Variants in RERE observed in about 807,000 individuals in gnomAD.
The protein encoded by RERE is arginine-glutamic acid dipeptide repeats protein.
A neutral mutation model predicts 146.1 loss-of-function variants in RERE; 40 were observed. The ratio of observed to expected loss-of-function variants is 0.27; its 90% CI spans 0.21 to 0.36. RERE has a LOEUF of 0.36. Among genes scored for constraint, RERE ranks in the 10% least tolerant of loss-of-function variants. The probability of loss-of-function intolerance (pLI) is 1.00; values close to 1 mark genes in which losing one functional copy is unlikely to be tolerated. For synonymous variants in RERE, 1,003 were observed against 866.0 expected, an observed-to-expected ratio of 1.16 and a Z score of -2.78; for missense variants, 1,933 against 2,138.7, an observed-to-expected ratio of 0.90 and a Z score of 1.90.
chr1:8,797,282 A>G (rs1641494400), intron 1 of RERE, among the ~76,000 whole-genome samples: 1 of 152,120 alleles, frequency 6.6e-6, no homozygotes, highest in East Asian at 1.9e-4. Flanking sequence ...TAACTGTGTG[A>G]CAGAAGAATT....
chr1:8,702,247 T>G (rs1405423170), intron 1 of RERE, among the ~76,000 whole-genome samples: 1 of 152,276 alleles, frequency 6.6e-6, no homozygotes, highest in East Asian at 1.9e-4. Context: ...TTTTTTAGAT[T>G]TTCCGTGTGG....
At chr1:8,445,747 G>A (rs906210733) in intron 11 of RERE, among the ~76,000 whole-genome samples, 8 of 151,608 alleles carry the variant, frequency 5.3e-5, no homozygotes, top group Non-Finnish European at 1.0e-4. Flanking sequence ...TAGTTTACAC[G>A]TACCATGGTG....
At chr1:8,430,895 C>G (rs982154198) in intron 11 of RERE, among the ~76,000 whole-genome samples, 1 of 152,200 alleles carries the variant, frequency 6.6e-6, no homozygotes, top group Admixed American at 6.5e-5. Context: ...GTTCTAACAA[C>G]AAAAGCCATG....
intron 2 of RERE, among the ~76,000 whole-genome samples, chr1:8,628,221 A>T (rs904477930): frequency 3.3e-5 from 5 of 152,184 alleles, no homozygotes; most frequent in Non-Finnish European, 7.3e-5. Context: ...CATATATGAA[A>T]AAGTTAGAGA....
At position 8,355,027 on chromosome 1, in the gene RERE, A is replaced by C; in HGVS notation, c.*60T>G. 1 of 1,404,014 alleles carries C rather than the reference A, an allele frequency of 7.1e-7. No individual in the cohort carries two copies. Among genetic ancestry groups the C allele is most frequent in the Non-Finnish European group, 1.0e-6 (1 of 1,000,838 alleles). 87.0% of individuals were successfully genotyped at this position (1,404,014 alleles called of 1,614,324 possible). A position where few individuals can be genotyped will look rare whatever the true frequency, so the allele number is the denominator to read the frequency against. ...TTTGCAGCTCCTATTTTATGTAAAA[A>C]GTCCTGTTTCTCCCCCCAAGAACTG... On this transcript the variant is annotated 3_prime_UTR_variant, in exon 23 of 23. Transcript: ENST00000400908.
intron 4 of RERE, among the ~76,000 whole-genome samples, chr1:8,567,825 T>C (rs574665063): frequency 2.6e-5 from 4 of 152,016 alleles, no homozygotes; most frequent in Non-Finnish European, 5.9e-5. Context: ...GTCCTTAATA[T>C]CACACACACA....
intron 1 of RERE, among the ~76,000 whole-genome samples, chr1:8,757,128 T>G (rs1640659194): frequency 6.6e-6 from 1 of 150,842 alleles, no homozygotes; most frequent in Admixed American, 6.6e-5. Flanking sequence ...CAGTTACTGC[T>G]TCTGATGGCA....
chr1:8,509,743 ATGTTCG>A (rs1022254861), intron 7 of RERE, among the ~76,000 whole-genome samples: 1 of 152,172 alleles, frequency 6.6e-6, no homozygotes, highest in African/African-American at 2.4e-5. Context: ...GCAGTGAGCC[ATGTTCG>A]CACCACTGCA....
At chr1:8,443,742 G>GACT (rs1416293078) in intron 11 of RERE, among the ~76,000 whole-genome samples, 1 of 152,172 alleles carries the variant, frequency 6.6e-6, no homozygotes, top group East Asian at 1.9e-4. Context: ...ATGCCCCTGT[G>GACT]ACTACATCCT....
intron 2 of RERE, among the ~76,000 whole-genome samples, chr1:8,626,045 C>G (rs535144183): frequency 6.6e-6 from 1 of 152,174 alleles, no homozygotes; most frequent in Non-Finnish European, 1.5e-5. Context: ...GTTCCAAGGT[C>G]CCAGATGCTA....
At chr1:8,489,136 G>C (rs1340839457) in intron 10 of RERE, among the ~76,000 whole-genome samples, 1 of 152,012 alleles carries the variant, frequency 6.6e-6, no homozygotes, top group Non-Finnish European at 1.5e-5. Flanking sequence ...TTGAGGCCAG[G>C]CATTCTAGAC....
At chr1:8,452,161 C>T (rs1378280100) in intron 11 of RERE, among the ~76,000 whole-genome samples, 11 of 152,166 alleles carry the variant, frequency 7.2e-5, no homozygotes, top group Admixed American at 7.2e-4. Flanking sequence ...CTCAAATAAG[C>T]CTCCTCTACA....
At chr1:8,554,262 C>T (rs114898999) in intron 6 of RERE, among the ~76,000 whole-genome samples, 1,692 of 152,284 alleles carry the variant, frequency 0.011, 11 homozygotes, top group Non-Finnish European at 0.016. Context: ...TATGTCAAAA[C>T]ATGTTGAATA....
chr1:8,625,984 A>T (rs570985741), intron 2 of RERE, among the ~76,000 whole-genome samples: 12 of 151,506 alleles, frequency 7.9e-5, no homozygotes, highest in Middle Eastern at 3.4e-3. Context: ...CCCTGAATCC[A>T]CGTAAAACAG....
chr1:8,634,294 C>T (rs566506295), intron 2 of RERE, among the ~76,000 whole-genome samples: 2 of 152,314 alleles, frequency 1.3e-5, no homozygotes, highest in South Asian at 2.1e-4. Context: ...CTATTACTAA[C>T]GTATCACTTC....
intron 1 of RERE, among the ~76,000 whole-genome samples, chr1:8,756,691 C>G (rs1395169283): frequency 2.0e-5 from 3 of 152,150 alleles, no homozygotes; most frequent in Non-Finnish European, 2.9e-5. Flanking sequence ...CTTTGAAGAT[C>G]AGGATCACTT....
At chr1:8,774,972 T>C (rs1220752006) in intron 1 of RERE, among the ~76,000 whole-genome samples, 1 of 141,886 alleles carries the variant, frequency 7.0e-6, no homozygotes, top group African/African-American at 2.7e-5. Context: ...TTTTTTTTTT[T>C]TTTTTTTTTG....
chr1:8,483,574 C>G (rs537846755), intron 10 of RERE, among the ~76,000 whole-genome samples: 1 of 152,196 alleles, frequency 6.6e-6, no homozygotes, highest in Non-Finnish European at 1.5e-5. Context: ...TCTGGATGAT[C>G]AAGTGTGATA....
chr1:8,766,821 A>G (rs1046352398), intron 1 of RERE, among the ~76,000 whole-genome samples: 3 of 152,172 alleles, frequency 2.0e-5, no homozygotes, highest in African/African-American at 4.8e-5. Context: ...AAAGTTATAT[A>G]AGGACTTAGA....
Sources: gnomAD v4.1 joint callset for allele counts (sites outside exome capture counted in the v4.1 genomes callset) on GRCh38, gnomAD v4.1.1 for gene constraint, MANE v1.5 for transcripts, NCBI Gene and HGNC (gene_info 2026-07-23, HGNC 2026-07-21) for gene names.